The following ADGRV1 variants were observed in gnomAD, a reference collection of about 807,000 sequenced individuals.
ADGRV1 encodes the protein G-protein coupled receptor 98.
ADGRV1 carries 359 observed loss-of-function variants against 596.2 expected under a neutral mutation model. The observed-to-expected ratio is 0.60, with a 90% CI of 0.55 to 0.66. ADGRV1 has a LOEUF of 0.66. ADGRV1 is among the 30% of genes least tolerant of loss of function. ADGRV1 has a pLI of 0.00. For missense variants in ADGRV1, 7,274 were observed against 7,575.6 expected, an observed-to-expected ratio of 0.96 and a Z score of 1.48; for synonymous variants, 2,681 against 2,679.2, an observed-to-expected ratio of 1.00 and a Z score of -0.02.
At chr5:90,791,642 G>A in intron 70 of ADGRV1, 1 of 334,916 alleles carries the variant, frequency 3.0e-6, no homozygotes, top group Non-Finnish European at 5.5e-6. Flanking sequence ...CACACCCATG[G>A]ACATGTGTAT....
At chr5:90,756,793 T>G in intron 56 of ADGRV1, 163 bp downstream of exon 56, 2 of 748,430 alleles carry the variant, frequency 2.7e-6, no homozygotes. Flanking sequence ...GACCAAAGGA[T>G]TCAACAAGTT....
intron 21 of ADGRV1, among the ~76,000 whole-genome samples, chr5:90,671,742 A>G (rs1263046647): frequency 6.6e-6 from 1 of 152,200 alleles, no homozygotes; most frequent in African/African-American, 2.4e-5. Flanking sequence ...TCTCCAAACT[A>G]TATATTTGCT....
intron 21 of ADGRV1, among the ~76,000 whole-genome samples, chr5:90,660,621 G>A (rs977867308): frequency 2.0e-5 from 3 of 152,144 alleles, no homozygotes; most frequent in Admixed American, 2.0e-4. Flanking sequence ...TGTAATTCCA[G>A]CACTTTGGGA....
chr5:90,994,087 C>T (rs1159259453), intron 85 of ADGRV1, among the ~76,000 whole-genome samples: 3 of 142,434 alleles, frequency 2.1e-5, no homozygotes, highest in South Asian at 2.2e-4. Context: ...GACAGAGTTT[C>T]GCTCTTGTCA....
intron 85 of ADGRV1, among the ~76,000 whole-genome samples, chr5:91,026,609 A>G (rs1400669812): frequency 1.3e-5 from 2 of 152,074 alleles, no homozygotes; most frequent in African/African-American, 4.8e-5. Flanking sequence ...AGGCTTCATG[A>G]CACTTTGAAC....
chr5:90,730,395 T>G (rs1217275337), intron 50 of ADGRV1, among the ~76,000 whole-genome samples: 1 of 152,202 alleles, frequency 6.6e-6, no homozygotes, highest in Non-Finnish European at 1.5e-5. Context: ...ACATTAAATA[T>G]ATATTTTTAA....
At chr5:90,865,527 G>A (rs918307319) in intron 83 of ADGRV1, among the ~76,000 whole-genome samples, 7 of 152,014 alleles carry the variant, frequency 4.6e-5, no homozygotes, top group African/African-American at 1.4e-4. Flanking sequence ...TGGACAAAAC[G>A]GTTAGTCATA....
At chr5:90,965,559 C>T (rs750215670) in intron 84 of ADGRV1, 28 bp downstream of exon 84, 37 of 1,313,762 alleles carry the variant, frequency 2.8e-5, no homozygotes, top group Non-Finnish European at 3.9e-5. Flanking sequence ...TCTCCCCGCC[C>T]CTTTAATCTT....
chr5:91,048,486 G>C (rs1460421545), intron 85 of ADGRV1, among the ~76,000 whole-genome samples: 1 of 152,174 alleles, frequency 6.6e-6, no homozygotes, highest in Non-Finnish European at 1.5e-5. Flanking sequence ...TCCAAAGAGG[G>C]TCAAAACCAG....
chr5:91,077,600 C>T (rs1788966163), intron 86 of ADGRV1, among the ~76,000 whole-genome samples: 1 of 152,194 alleles, frequency 6.6e-6, no homozygotes, highest in Non-Finnish European at 1.5e-5. Context: ...CCTTCCCTCC[C>T]TGAGCATGGC....
chr5:90,972,654 C>T (rs1004259406), intron 84 of ADGRV1, among the ~76,000 whole-genome samples: 65 of 152,050 alleles, frequency 4.3e-4, no homozygotes, highest in African/African-American at 1.2e-3. Context: ...TTGAAACCAA[C>T]GAGAACAAAG....
intron 85 of ADGRV1, among the ~76,000 whole-genome samples, chr5:91,040,683 G>A (rs769908169): frequency 2.0e-5 from 3 of 152,168 alleles, no homozygotes; most frequent in Non-Finnish European, 2.9e-5. Context: ...AAAAGATGAT[G>A]ACAACAAGAT....
intron 83 of ADGRV1, among the ~76,000 whole-genome samples, chr5:90,945,459 A>G (rs1192738317): frequency 6.6e-6 from 1 of 152,092 alleles, no homozygotes. Context: ...ACCAACACTG[A>G]GGGCATTGGT....
intron 87 of ADGRV1, among the ~76,000 whole-genome samples, chr5:91,113,289 C>G (rs909856178): frequency 6.6e-6 from 1 of 152,168 alleles, no homozygotes; most frequent in African/African-American, 2.4e-5. Flanking sequence ...ACTCACACTC[C>G]TCCTAAAAGC....
intron 21 of ADGRV1, among the ~76,000 whole-genome samples, chr5:90,664,368 T>A (rs994784122): frequency 4.6e-5 from 7 of 151,830 alleles, no homozygotes; most frequent in African/African-American, 1.7e-4. Context: ...TTATTCTCTT[T>A]GAAGCAATTG....
At chr5:90,592,609 TTC>T (rs1759662530) in intron 1 of ADGRV1, among the ~76,000 whole-genome samples, 1 of 152,226 alleles carries the variant, frequency 6.6e-6, no homozygotes, top group Non-Finnish European at 1.5e-5. Flanking sequence ...CTAGGTTTTC[TTC>T]TAGGAAGGAA....
Position 90,653,466 on chromosome 5 carries a change from C to A in ADGRV1, c.3892C>A (p.Pro1298Thr), listed in dbSNP as rs1019518611. The A allele has an allele frequency of 6.2e-7, 1 of 1,613,810 alleles. No individual in the cohort carries two copies. The highest frequency in any genetic ancestry group is 8.5e-7 in the Non-Finnish European group (1 of 1,179,894). Residue 1298 changes from proline (P) to threonine (T), a missense_variant, in exon 20 of 90, where the codon CCA becomes ACA. Physicochemically the swap from Pro to Thr is conservative, Grantham distance 38 (BLOSUM62 -1). Transcript: ENST00000405460. ...LSSEFPAGLP[P>T]MIDFLLVGIF... ...CAGTGAGTTCCCTGCTGGTTTGCCA[C>A]CAATGATAGATTTTTTACTGGTTGG...
intron 85 of ADGRV1, among the ~76,000 whole-genome samples, chr5:91,063,604 TGATGATTCA>T (rs1332040722): frequency 6.6e-6 from 1 of 152,234 alleles, no homozygotes; most frequent in Non-Finnish European, 1.5e-5. Flanking sequence ...TAGAAGATTC[TGATGATTCA>T]GATGATTCTG....
At chr5:91,010,268 C>T (rs1411737908) in intron 85 of ADGRV1, among the ~76,000 whole-genome samples, 1 of 152,064 alleles carries the variant, frequency 6.6e-6, no homozygotes, top group Non-Finnish European at 1.5e-5. Context: ...GTTTCATACG[C>T]AGTTCCTGGG....
Sources: allele counts gnomAD v4.1 joint callset (sites outside exome capture counted in the v4.1 genomes callset), GRCh38; gene constraint gnomAD v4.1.1; transcripts MANE v1.5; gene names NCBI Gene and HGNC (gene_info 2026-07-23, HGNC 2026-07-21).